PGBD5: variants seen among roughly 807,000 people sequenced by gnomAD.
PGBD5 encodes piggyBac transposable element-derived protein 5.
In PGBD5, 14 loss-of-function variants were observed where a neutral mutation model predicts 47.9. The ratio of observed to expected loss-of-function variants is 0.29; its 90% CI spans 0.19 to 0.46. PGBD5 has a LOEUF of 0.46. Ranked by LOEUF, PGBD5 falls within the 20% of genes least tolerant of loss-of-function variation. PGBD5 has a pLI of 1.00. For synonymous variants in PGBD5, 316 were observed against 306.3 expected (o/e 1.03, Z -0.33); for missense variants, 635 against 716.0 (o/e 0.89, Z 1.29).
intron 1 of PGBD5, among the ~76,000 whole-genome samples, chr1:230,407,908 G>A (rs189625715): frequency 6.6e-6 from 1 of 152,286 alleles, no homozygotes; most frequent in East Asian, 1.9e-4. Context: ...ATTTGTTCAT[G>A]GGTTTGTGTC....
In PGBD5 at chr1:230,316,404, C is replaced by A. The variant is rs552085426; in HGVS notation, c.*7021G>T. The A allele has an allele frequency of 6.6e-6, 1 of 152,268 alleles. No individual in the cohort carries two copies. The highest frequency in any genetic ancestry group is 2.1e-4 in the South Asian group (1 of 4,808). 9.4% of individuals were successfully genotyped at this position (152,268 alleles called of 1,614,324 possible). On this transcript the variant is annotated 3_prime_UTR_variant, in exon 7 of 7. Coordinates refer to ENST00000391860, the MANE Select transcript of PGBD5 (RefSeq NM_001258311.2). Reference sequence around the variant, plus strand: ...TCTTCAATTTACACTGAACACCGTACGCAATTGTTCTGGGCCCATCTTTCC... The same window carrying A: ...TCTTCAATTTACACTGAACACCGTAAGCAATTGTTCTGGGCCCATCTTTCC...
chr1:230,341,939 C>T (rs1486627560), intron 3 of PGBD5, among the ~76,000 whole-genome samples: 2 of 152,152 alleles, frequency 1.3e-5, no homozygotes, highest in African/African-American at 4.8e-5. Context: ...AAGTTTATTA[C>T]TATATGGCAT....
At chr1:230,380,167 A>G (rs980660961) in intron 1 of PGBD5, among the ~76,000 whole-genome samples, 1 of 152,208 alleles carries the variant, frequency 6.6e-6, no homozygotes, top group African/African-American at 2.4e-5. Flanking sequence ...CCAGCTCCAG[A>G]TGAATGGGTC....
At chr1:230,390,407 T>G (rs1571853865) in intron 1 of PGBD5, among the ~76,000 whole-genome samples, 1 of 152,050 alleles carries the variant, frequency 6.6e-6, no homozygotes, top group Non-Finnish European at 1.5e-5. Flanking sequence ...CCCTCTCACC[T>G]CACCTGAACA....
At chr1:230,394,662 C>T (rs1225910173) in intron 1 of PGBD5, among the ~76,000 whole-genome samples, 5 of 141,442 alleles carry the variant, frequency 3.5e-5, no homozygotes, top group East Asian at 4.4e-4. Flanking sequence ...TCCCAATCCC[C>T]AAGGTCCTCT....
At chr1:230,324,500 C>T (rs1454551343) in intron 6 of PGBD5, among the ~76,000 whole-genome samples, 1 of 152,188 alleles carries the variant, frequency 6.6e-6, no homozygotes, top group Admixed American at 6.5e-5. Flanking sequence ...ACCTTTCACA[C>T]ACAGGCTGAG....
intron 1 of PGBD5, among the ~76,000 whole-genome samples, chr1:230,394,329 C>T (rs898586995): frequency 9.2e-5 from 14 of 151,766 alleles, no homozygotes; most frequent in Non-Finnish European, 1.6e-4. Flanking sequence ...ACAGGAGTGG[C>T]GGTTTTCGAG....
chr1:230,325,280 C>T (rs1366954607), intron 6 of PGBD5, 30 bp downstream of exon 6: 1 of 1,507,492 alleles, frequency 6.6e-7, no homozygotes, highest in Admixed American at 1.7e-5. Flanking sequence ...TATGAGAGCC[C>T]TTCTGTCATG....
intron 1 of PGBD5, chr1:230,377,735 G>C: frequency 1.4e-6 from 2 of 1,411,326 alleles, no homozygotes; most frequent in South Asian, 3.2e-5. Context: ...GTCATTGTGA[G>C]AATAAAATGA....
chr1:230,359,228 ATT>A (rs1339196631), intron 1 of PGBD5, among the ~76,000 whole-genome samples: 2 of 151,938 alleles, frequency 1.3e-5, no homozygotes, highest in African/African-American at 4.8e-5. Context: ...CGCCTGGCTA[ATT>A]TTTGTATTTT....
In PGBD5 at chr1:230,317,060, G is replaced by A. The variant is rs1355721918; in HGVS notation, c.*6365C>T. The stretch of plus-strand genomic sequence containing the variant: ...TGCCAAGCAAGGTGGAGGGTCTGGG[G>A]GTTGCTGAGTCCAGCAGCAATGGTG... On this transcript the variant is annotated 3_prime_UTR_variant, in exon 7 of 7. Coordinates refer to ENST00000391860, the MANE Select transcript of PGBD5 (RefSeq NM_001258311.2). 1.2e-4 allele frequency: 18 copies of A among 152,322 alleles called. No homozygotes were observed. Among genetic ancestry groups the A allele is most frequent in the Non-Finnish European group, 1.5e-5 (1 of 68,132 alleles). 9.4% of individuals were successfully genotyped at this position (152,322 alleles called of 1,614,324 possible).
chr1:230,351,233 C>T, intron 2 of PGBD5, 141 bp from the exon 3 acceptor site: 1 of 905,370 alleles, frequency 1.1e-6, no homozygotes, highest in South Asian at 2.2e-5. Context: ...TGATCCTGAC[C>T]CTTCTTATCT....
intron 5 of PGBD5, among the ~76,000 whole-genome samples, chr1:230,328,824 C>T (rs1667164183): frequency 6.6e-6 from 1 of 152,142 alleles, no homozygotes; most frequent in South Asian, 2.1e-4. Context: ...AATGTGAATC[C>T]TAAATGGGCA....
Position 230,356,945 on chromosome 1 carries a change from G to T in PGBD5, c.708C>A (p.Leu236=), listed in dbSNP as rs375674007. 572 of 1,614,070 alleles carry T rather than the reference G, an allele frequency of 3.5e-4. No individual in the cohort carries two copies. The highest frequency in any genetic ancestry group is 4.5e-4 in the Non-Finnish European group (532 of 1,180,052). The part of the protein sequence containing the change: ...THGLYKVQPF[L]DSLQNSFDSA... ...AGTCGAAGCTGTTCTGCAGGGAGTC[G>T]AGGAAGGGCTGGACCTTGTAGAGCC... The change falls in exon 2 of 7, where the codon CTC becomes CTA. Residue 236 remains leucine, a synonymous_variant. Coordinates refer to ENST00000391860, the MANE Select transcript of PGBD5 (RefSeq NM_001258311.2).
intron 1 of PGBD5, among the ~76,000 whole-genome samples, chr1:230,397,941 C>T (rs1210458915): frequency 6.6e-6 from 1 of 152,246 alleles, no homozygotes; most frequent in East Asian, 1.9e-4. Context: ...AAGCTATCAC[C>T]ACCCAACTGG....
chr1:230,325,320 T>C lies in PGBD5; in HGVS notation c.1369A>G (p.Lys457Glu). The change falls in exon 6 of 7, where the codon AAA (lysine) becomes GAA (glutamate). Residue 457 changes from lysine to glutamate, a missense_variant. Physicochemically the swap from Lys to Glu is moderately conservative, Grantham distance 56 (BLOSUM62 1). Coordinates refer to ENST00000391860, the MANE Select transcript of PGBD5 (RefSeq NM_001258311.2). ...TGCCCAGCCACTTACTTGCTGTATTTGTCATCGTATCTGCAGATGTAGCTC... is the reference window on the plus strand; with the variant it reads ...TGCCCAGCCACTTACTTGCTGTATTCGTCATCGTATCTGCAGATGTAGCTC... Reference protein sequence around the residue: ...HLSYICRYDDKYSKYFISHKP... With the variant: ...HLSYICRYDDEYSKYFISHKP... The C allele has an allele frequency of 6.2e-7, 1 of 1,612,736 alleles. No individual in the cohort carries two copies. Among genetic ancestry groups the C allele is most frequent in the Non-Finnish European group, 8.5e-7 (1 of 1,179,340 alleles).
chr1:230,356,979 G>T lies in PGBD5; in HGVS notation c.674C>A (p.Thr225Asn). The change falls in exon 2 of 7, where the codon ACC becomes AAC. Residue 225 changes from threonine to asparagine, a missense_variant. Transcript: ENST00000391860. ...FHVVAFRSSQ[T>N]THGLYKVQPF... ...CTGGACCTTGTAGAGCCCGTGCGTG[G>T]TCTGGCTGGAGCGGAAGGCCACGAC... 3.7e-6 allele frequency: 6 copies of T among 1,614,232 alleles called. No individual in the cohort carries two copies. Among genetic ancestry groups the T allele is most frequent in the Non-Finnish European group, 5.1e-6 (6 of 1,180,044 alleles).
intron 1 of PGBD5, among the ~76,000 whole-genome samples, chr1:230,394,915 A>C (rs1571856337): frequency 1.4e-4 from 9 of 66,124 alleles, no homozygotes; most frequent in Admixed American, 1.8e-4. Context: ...CTCCTCTCTC[A>C]CTCCTACCCT....
At chr1:230,374,011 G>A (rs1464403508) in intron 1 of PGBD5, among the ~76,000 whole-genome samples, 1 of 152,088 alleles carries the variant, frequency 6.6e-6, no homozygotes, top group African/African-American at 2.4e-5. Context: ...GCAAAACAGG[G>A]CAGTAAATGA....
Sources: allele counts gnomAD v4.1 joint callset (sites outside exome capture counted in the v4.1 genomes callset), GRCh38; gene constraint gnomAD v4.1.1; transcripts MANE v1.5; gene names NCBI Gene and HGNC (gene_info 2026-07-23, HGNC 2026-07-21).